The following PDE8B variants were observed in gnomAD, a reference collection of about 807,000 sequenced individuals.
PDE8B encodes the protein high affinity cAMP-specific and IBMX-insensitive 3',5'-cyclic phosphodiesterase 8B.
PDE8B carries 26 observed loss-of-function variants against 101.3 expected under a neutral mutation model. That is an observed-to-expected ratio of 0.26 (90% confidence interval 0.19 to 0.36). The LOEUF is 0.36. PDE8B is among the 10% of genes least tolerant of loss of function. The pLI, the probability that PDE8B is intolerant of heterozygous loss-of-function variation, is 1.00. For synonymous variants in PDE8B, 424 were observed against 429.3 expected, an observed-to-expected ratio of 0.99 and a Z score of 0.15; for missense variants, 810 against 1,163.1, an observed-to-expected ratio of 0.70 and a Z score of 4.42.
chr5:77,288,022 T>C (rs1263856900), intron 1 of PDE8B, among the ~76,000 whole-genome samples: 1 of 152,214 alleles, frequency 6.6e-6, no homozygotes, highest in African/African-American at 2.4e-5. Context: ...TAGAGATAAT[T>C]TGATGCTCTG....
intron 1 of PDE8B, among the ~76,000 whole-genome samples, chr5:77,260,157 C>CAAAAAAAAAA (rs66923234): frequency 4.5e-4 from 45 of 100,802 alleles, no homozygotes; most frequent in East Asian, 1.9e-3. Flanking sequence ...AACTCCATCA[C>CAAAAAAAAAA]AAAAAAAAAA....
intron 15 of PDE8B, 84 bp from the exon 16 acceptor site, chr5:77,412,016 A>T: frequency 7.2e-7 from 1 of 1,380,360 alleles, no homozygotes; most frequent in Admixed American, 1.7e-5. Context: ...TTTTTCTAGT[A>T]GTAACTATGA....
chr5:77,396,139 A>G (rs1791010765), intron 10 of PDE8B, among the ~76,000 whole-genome samples: 1 of 152,260 alleles, frequency 6.6e-6, no homozygotes, highest in Admixed American at 6.5e-5. Flanking sequence ...GGTTTTATCC[A>G]GGGAGCTGAT....
In PDE8B at chr5:77,404,345, G is replaced by A. The variant is rs886352581; in HGVS notation, c.1211-375G>A. The stretch of plus-strand genomic sequence containing the variant: ...TCTCCATGTTGGTCAGGCTGGTCTC[G>A]AAACCTGACCTCAGGTGATCCACCC... On this transcript the variant is annotated intron_variant, in intron 11 of 21. Transcript: ENST00000264917. Among the ~76,000 whole-genome samples the A allele has an allele frequency of 9.9e-5, 15 of 151,294 alleles. 1 individual carries two copies. Among genetic ancestry groups the A allele is most frequent in the African/African-American group, 1.2e-4 (5 of 41,134 alleles).
Position 77,426,832 on chromosome 5 carries a change from G to A in PDE8B, c.*278G>A. The A allele has an allele frequency of 5.0e-6, 2 of 398,200 alleles. No individual in the cohort carries two copies. Among genetic ancestry groups the A allele is most frequent in the Non-Finnish European group, 9.5e-6 (2 of 210,468 alleles). 24.7% of individuals were successfully genotyped at this position (398,200 alleles called of 1,614,324 possible). A position where few individuals can be genotyped will look rare whatever the true frequency, so the allele number is the denominator to read the frequency against. On this transcript the variant is annotated 3_prime_UTR_variant, in exon 22 of 22. Coordinates refer to ENST00000264917, the MANE Select transcript of PDE8B (RefSeq NM_003719.5). Reference sequence around the variant, plus strand: ...TCCTGTGTACCCTTGTCAATCCATGGAGCTGGTTCACTGTAACTAGCAGGC... The same window carrying A: ...TCCTGTGTACCCTTGTCAATCCATGAAGCTGGTTCACTGTAACTAGCAGGC...
chr5:77,425,777 A>G lies in PDE8B; in HGVS notation c.2429A>G (p.Glu810Gly). ...GGTTTTTTCTTACAGACTGATGAAG[A>G]GAAGAGACAGGGACTACCTGTGGTG... ...SEEYFAQTDE[E>G]KRQGLPVVMP... The change falls in exon 21 of 22, where the codon GAG (glutamate) becomes GGG (glycine). Residue 810 changes from glutamate to glycine, a missense_variant. Glu to Gly is a moderately conservative substitution (Grantham distance 98). Coordinates refer to ENST00000264917, the MANE Select transcript of PDE8B (RefSeq NM_003719.5). 6.2e-7 allele frequency: 1 copy of G among 1,613,916 alleles called. No homozygotes were observed. The highest frequency in any genetic ancestry group is 8.5e-7 in the Non-Finnish European group (1 of 1,179,810).
intron 1 of PDE8B, among the ~76,000 whole-genome samples, chr5:77,292,918 G>A (rs1048887880): frequency 8.6e-5 from 13 of 151,834 alleles, no homozygotes; most frequent in Non-Finnish European, 1.3e-4. Context: ...AAAGGCTTCC[G>A]GGCCCTTGAA....
chr5:77,101,408 G>A, the PDE8B span, among the ~76,000 whole-genome samples: 1 of 152,114 alleles, frequency 6.6e-6, no homozygotes, highest in Non-Finnish European at 1.5e-5. Flanking sequence ...GTTGCTTTTG[G>A]TGTTGGCTGG....
chr5:77,413,147 G>T lies in PDE8B; in HGVS notation c.1749G>T (p.Arg583=), dbSNP rs1188482961. ...ATCTGGGCTTAAAGGTCTTCTCTCG[G>T]TTTGGAGTATGTGAATTTTTAAACT... ...LVYLGLKVFS[R]FGVCEFLNCS... Residue 583 remains arginine (R), a synonymous_variant, in exon 17 of 22, where the codon CGG becomes CGT. Transcript: ENST00000264917. The T allele has an allele frequency of 7.4e-6, 12 of 1,614,090 alleles. No individual in the cohort carries two copies. Among genetic ancestry groups the T allele is most frequent in the African/African-American group, 1.3e-5 (1 of 75,004 alleles).
intron 4 of PDE8B, among the ~76,000 whole-genome samples, chr5:77,330,432 T>A (rs545786820): frequency 6.6e-6 from 1 of 152,330 alleles, no homozygotes; most frequent in Admixed American, 6.5e-5. Context: ...AGTAATAAAA[T>A]GAATGTGTGT....
chr5:77,269,558 G>A (rs1052874814), intron 1 of PDE8B, among the ~76,000 whole-genome samples: 1 of 152,110 alleles, frequency 6.6e-6, no homozygotes, highest in African/African-American at 2.4e-5. Context: ...CCAGTCCAAT[G>A]TTCTGGAGAG....
chr5:77,260,582 ATTTTTTT>A (rs34008487), intron 1 of PDE8B, among the ~76,000 whole-genome samples: 2 of 114,944 alleles, frequency 1.7e-5, no homozygotes, highest in Non-Finnish European at 3.5e-5. Context: ...ACTGTGGCTC[ATTTTTTT>A]TTTTTTTTTT....
intron 1 of PDE8B, among the ~76,000 whole-genome samples, chr5:77,261,885 A>G (rs569176343): frequency 7.2e-5 from 11 of 152,334 alleles, no homozygotes; most frequent in African/African-American, 2.4e-4. Context: ...CCTTGCGTTC[A>G]CAGGGAAACT....
At chr5:77,143,122 G>A in the PDE8B span, among the ~76,000 whole-genome samples, 1 of 152,152 alleles carries the variant, frequency 6.6e-6, no homozygotes, top group Admixed American at 6.5e-5. Context: ...GACACCCAAA[G>A]TTAATAGCCA....
intron 1 of PDE8B, among the ~76,000 whole-genome samples, chr5:77,271,818 A>G (rs1762860353): frequency 6.6e-6 from 1 of 152,198 alleles, no homozygotes; most frequent in South Asian, 2.1e-4. Flanking sequence ...CACAGCAGCC[A>G]CTTCACATTC....
Position 77,422,125 on chromosome 5 carries a change from C to T in PDE8B, c.2418+137C>T, listed in dbSNP as rs1034969051. ...TCCTCCCTGGAAGAAAGCAGCTTAC[C>T]CCCACCTGGGGTAGGCTTCTGGTTC... On this transcript the variant is annotated intron_variant, in intron 20 of 21. Transcript: ENST00000264917. The T allele has an allele frequency of 4.2e-6, 4 of 941,304 alleles. No individual in the cohort carries two copies. In the African/African-American group the frequency reaches 6.5e-5, roughly 15 times the overall value. 58.3% of individuals were successfully genotyped at this position (941,304 alleles called of 1,614,324 possible). A position where few individuals can be genotyped will look rare whatever the true frequency, so the allele number is the denominator to read the frequency against.
intron 10 of PDE8B, among the ~76,000 whole-genome samples, chr5:77,362,825 A>G (rs1047717531): frequency 2.0e-5 from 3 of 152,044 alleles, no homozygotes; most frequent in African/African-American, 7.2e-5. Flanking sequence ...CTCCTGGAAA[A>G]ATCTTGGTCC....
At chr5:77,179,365 TGA>T in the PDE8B span, among the ~76,000 whole-genome samples, 2 of 152,314 alleles carry the variant, frequency 1.3e-5, no homozygotes, top group Non-Finnish European at 2.9e-5. Flanking sequence ...TTGGCTGGAC[TGA>T]CTCAGCACTG....
intron 10 of PDE8B, among the ~76,000 whole-genome samples, chr5:77,372,846 G>A (rs1438822769): frequency 6.6e-6 from 1 of 152,212 alleles, no homozygotes; most frequent in Non-Finnish European, 1.5e-5. Flanking sequence ...TGACCAACAT[G>A]GTGAAACACC....
Sources: allele counts gnomAD v4.1 joint callset (sites outside exome capture counted in the v4.1 genomes callset), GRCh38; gene constraint gnomAD v4.1.1; transcripts MANE v1.5; gene names NCBI Gene and HGNC (gene_info 2026-07-23, HGNC 2026-07-21).